Variants in CNTN4 observed in about 807,000 individuals in gnomAD.
CNTN4 encodes contactin 4.
A neutral mutation model predicts 122.5 loss-of-function variants in CNTN4; 77 were observed. The observed-to-expected ratio is 0.63, with a 90% CI of 0.52 to 0.76. The LOEUF is 0.76. Ranked by LOEUF, CNTN4 falls within the 30% of genes least tolerant of loss-of-function variation. CNTN4 has a pLI of 0.00. For synonymous variants in CNTN4, 512 were observed against 447.0 expected, an observed-to-expected ratio of 1.15 and a Z score of -1.83; for missense variants, 1,256 against 1,259.1, an observed-to-expected ratio of 1.00 and a Z score of 0.04.
At chr3:2,401,394 A>G (rs1377330713) in intron 3 of CNTN4, among the ~76,000 whole-genome samples, 1 of 152,154 alleles carries the variant, frequency 6.6e-6, no homozygotes, top group Admixed American at 6.6e-5. Context: ...CCCTGCTGAC[A>G]TTCAGAAATC....
intron 7 of CNTN4, among the ~76,000 whole-genome samples, chr3:2,845,584 G>C (rs1297404102): frequency 6.6e-6 from 1 of 152,148 alleles, no homozygotes; most frequent in Non-Finnish European, 1.5e-5. Context: ...GGTCCCAAAA[G>C]TGTAGGACAA....
chr3:2,204,118 A>T lies in CNTN4; in HGVS notation c.-145+103479A>T, dbSNP rs192816580. Among the ~76,000 whole-genome samples, 371 of 152,296 alleles carry T rather than the reference A, an allele frequency of 2.4e-3. 2 individuals are homozygous for T. The highest frequency in any genetic ancestry group is 9.7e-3 in the South Asian group (47 of 4,832). On this transcript the variant is annotated intron_variant, in intron 2 of 24. Transcript: ENST00000418658. ...TTATAACATGTATCTGAGTTTTTAT[A>T]TTCATTCATTGTTATATTCCATCAG...
intron 2 of CNTN4, among the ~76,000 whole-genome samples, chr3:2,217,473 T>C (rs989622755): frequency 3.9e-5 from 6 of 152,192 alleles, no homozygotes; most frequent in Admixed American, 6.5e-5. Flanking sequence ...GTGCAAAGTG[T>C]TGTCAATTAA....
intron 2 of CNTN4, among the ~76,000 whole-genome samples, chr3:2,221,068 G>A (rs1180488393): frequency 2.0e-5 from 3 of 152,064 alleles, no homozygotes; most frequent in African/African-American, 4.8e-5. Context: ...GTCATTGCCT[G>A]CAGAGTTTTG....
At chr3:2,107,175 C>G (rs965338302) in intron 2 of CNTN4, among the ~76,000 whole-genome samples, 4 of 152,198 alleles carry the variant, frequency 2.6e-5, no homozygotes, top group Admixed American at 2.6e-4. Flanking sequence ...TGTTCCAGCT[C>G]TATCTGTTAC....
chr3:2,643,695 A>G (rs2082997097), intron 4 of CNTN4, among the ~76,000 whole-genome samples: 1 of 152,186 alleles, frequency 6.6e-6, no homozygotes, highest in African/African-American at 2.4e-5. Context: ...TAGGAGCTAT[A>G]AAGGAGATAA....
intron 2 of CNTN4, among the ~76,000 whole-genome samples, chr3:2,254,892 A>G (rs535432443): frequency 6.7e-4 from 102 of 152,278 alleles, no homozygotes; most frequent in African/African-American, 2.3e-3. Context: ...TAGTTTAATT[A>G]GATCCCATTT....
chr3:2,778,929 A>G (rs1234356235), intron 6 of CNTN4, among the ~76,000 whole-genome samples: 1 of 152,228 alleles, frequency 6.6e-6, no homozygotes, highest in Non-Finnish European at 1.5e-5. Context: ...ACAGTTTTAG[A>G]ACCAACTTTA....
At chr3:2,282,880 A>G (rs1200642354) in intron 2 of CNTN4, among the ~76,000 whole-genome samples, 1 of 152,196 alleles carries the variant, frequency 6.6e-6, no homozygotes, top group African/African-American at 2.4e-5. Flanking sequence ...GCTAAGTGAA[A>G]GAAGTCATAT....
chr3:2,105,534 A>G (rs2032369017), intron 2 of CNTN4, among the ~76,000 whole-genome samples: 1 of 152,180 alleles, frequency 6.6e-6, no homozygotes, highest in Admixed American at 6.5e-5. Flanking sequence ...GAGACAGTGA[A>G]GGAGGAAGAG....
At chr3:2,660,204 A>T (rs1204189313) in intron 4 of CNTN4, among the ~76,000 whole-genome samples, 5 of 132,544 alleles carry the variant, frequency 3.8e-5, no homozygotes, top group Non-Finnish European at 6.2e-5. Flanking sequence ...GGTCTAAGAG[A>T]TGGTTTATAA....
At chr3:2,565,438 A>G (rs2079115920) in intron 3 of CNTN4, among the ~76,000 whole-genome samples, 1 of 152,188 alleles carries the variant, frequency 6.6e-6, no homozygotes, top group African/African-American at 2.4e-5. Flanking sequence ...AAATCCAGCA[A>G]GTTATTTGAT....
chr3:2,504,863 A>G (rs146954829), intron 3 of CNTN4, among the ~76,000 whole-genome samples: 8 of 152,286 alleles, frequency 5.3e-5, no homozygotes, highest in Admixed American at 5.2e-4. Context: ...TAAAAATGTC[A>G]ATGTAATAAG....
intron 3 of CNTN4, among the ~76,000 whole-genome samples, chr3:2,382,893 G>A (rs1415699315): frequency 6.6e-6 from 1 of 152,096 alleles, no homozygotes; most frequent in Non-Finnish European, 1.5e-5. Flanking sequence ...GGCCAACATG[G>A]TGAAACCCCC....
chr3:2,963,481 C>A lies in CNTN4; in HGVS notation c.1359-24864C>A, dbSNP rs934530806. Among the ~76,000 whole-genome samples the A allele has an allele frequency of 2.6e-5, 4 of 152,120 alleles. No homozygotes were observed. In the East Asian group the frequency reaches 7.7e-4, roughly 29 times the overall value. ...TCTCATTTCTTACCACTCCACTCAC[C>A]CATCCCACTGGCCTTTCTGTTCCAG... is the stretch of plus-strand genomic sequence containing the variant. On this transcript the variant is annotated intron_variant, in intron 13 of 24. Coordinates refer to ENST00000418658, the MANE Select transcript of CNTN4 (RefSeq NM_175607.3).
intron 7 of CNTN4, among the ~76,000 whole-genome samples, chr3:2,835,716 A>T (rs544793404): frequency 6.6e-6 from 1 of 152,222 alleles, no homozygotes; most frequent in African/African-American, 2.4e-5. Context: ...CAAAAGTGAA[A>T]AAAATGAGAA....
intron 2 of CNTN4, among the ~76,000 whole-genome samples, chr3:2,120,580 T>C (rs1017672411): frequency 7.3e-5 from 11 of 150,922 alleles, no homozygotes; most frequent in South Asian, 2.1e-4. Context: ...TTTTTGTATT[T>C]TTAGTAGAGA....
intron 2 of CNTN4, among the ~76,000 whole-genome samples, chr3:2,194,680 T>C (rs1039925050): frequency 1.3e-5 from 2 of 152,132 alleles, no homozygotes; most frequent in Non-Finnish European, 2.9e-5. Context: ...ATGATTGGCA[T>C]CATTATAAGG....
intron 3 of CNTN4, among the ~76,000 whole-genome samples, chr3:2,406,083 C>G (rs1334486722): frequency 6.6e-6 from 1 of 151,622 alleles, no homozygotes; most frequent in East Asian, 1.9e-4. Flanking sequence ...ATAATTGTTG[C>G]AGATGAGATA....
Sources: allele counts gnomAD v4.1 joint callset (sites outside exome capture counted in the v4.1 genomes callset), GRCh38; gene constraint gnomAD v4.1.1; transcripts MANE v1.5; gene names NCBI Gene and HGNC (gene_info 2026-07-23, HGNC 2026-07-21).